Variants in TTC6 observed in about 807,000 individuals in gnomAD.
TTC6 encodes the protein tetratricopeptide repeat domain 6.
TTC6 carries 172 observed loss-of-function variants against 210.4 expected under a neutral mutation model. That is an observed-to-expected ratio of 0.82 (90% CI 0.72 to 0.93). The LOEUF is 0.93. Ranked by LOEUF, TTC6 falls within the 40% of genes least tolerant of loss-of-function variation. The probability of loss-of-function intolerance (pLI) is 0.00; values close to 1 mark genes in which losing one functional copy is unlikely to be tolerated. For missense variants in TTC6, 2,414 were observed against 2,318.1 expected (o/e 1.04, Z -0.85); for synonymous variants, 804 against 819.6 (o/e 0.98, Z 0.32).
chr14:37,837,243 G>T (rs2096199912), intron 29 of TTC6: 2 of 272,560 alleles, frequency 7.3e-6, no homozygotes, highest in Non-Finnish European at 1.5e-5. Context: ...ATGATTGAAG[G>T]TATGCCTTGT....
At chr14:37,799,189 G>A (rs751177196) in intron 20 of TTC6, among the ~76,000 whole-genome samples, 20 of 152,070 alleles carry the variant, frequency 1.3e-4, no homozygotes, top group Non-Finnish European at 2.2e-4. Flanking sequence ...AACATTAGCC[G>A]TTATTATTCC....
At chr14:37,805,054 A>G (rs944249221) in intron 21 of TTC6, among the ~76,000 whole-genome samples, 12 of 152,210 alleles carry the variant, frequency 7.9e-5, no homozygotes, top group Non-Finnish European at 1.8e-4. Context: ...TGCGTTTCCC[A>G]CCAGAACAAT....
chr14:37,809,441 A>G (rs1772714711), intron 24 of TTC6, among the ~76,000 whole-genome samples: 1 of 152,060 alleles, frequency 6.6e-6, no homozygotes, highest in South Asian at 2.1e-4. Flanking sequence ...TTTAGTAGAG[A>G]CAGGGTTTCA....
chr14:37,734,913 G>A (rs1051056421), intron 7 of TTC6, among the ~76,000 whole-genome samples: 1 of 151,982 alleles, frequency 6.6e-6, no homozygotes, highest in African/African-American at 2.4e-5. Context: ...GTTGTTAAAA[G>A]CATTCTTTTA....
chr14:37,841,381 G>A lies in TTC6; in HGVS notation c.5299-64G>A, dbSNP rs2096209645. On this transcript the variant is annotated intron_variant, in intron 29 of 30. Transcript: ENST00000553443. The stretch of plus-strand genomic sequence containing the variant: ...CCTTAATTTAAAATTAAGAGTAAAA[G>A]TGCTTCAAATTTCTGTATAGTAAGT... 3.6e-6 allele frequency: 5 copies of A among 1,390,400 alleles called. No individual in the cohort carries two copies. In the East Asian group the frequency reaches 7.3e-5, roughly 20 times the overall value. The allele number at this position is 1,390,400 out of a possible 1,614,324, so 86.1% of individuals were successfully genotyped here.
intron 26 of TTC6, among the ~76,000 whole-genome samples, chr14:37,818,621 A>C (rs905884286): frequency 2.0e-5 from 3 of 152,132 alleles, no homozygotes; most frequent in African/African-American, 2.4e-5. Context: ...GGACATATAT[A>C]GTACAGCTAC....
chr14:37,816,675 A>G (rs1218979496), intron 25 of TTC6, among the ~76,000 whole-genome samples: 1 of 152,196 alleles, frequency 6.6e-6, no homozygotes, highest in Admixed American at 6.5e-5. Flanking sequence ...GCAATCAGTA[A>G]AATCAATCTA....
At chr14:37,745,062 A>G (rs531528184) in intron 10 of TTC6, among the ~76,000 whole-genome samples, 2 of 152,218 alleles carry the variant, frequency 1.3e-5, no homozygotes, top group African/African-American at 4.8e-5. Context: ...GTACGTACAT[A>G]TACATATGTG....
At chr14:37,791,326 T>C (rs2096078734) in intron 16 of TTC6, among the ~76,000 whole-genome samples, 1 of 152,158 alleles carries the variant, frequency 6.6e-6, no homozygotes, top group African/African-American at 2.4e-5. Flanking sequence ...GTAGACCATA[T>C]GTTCAGGGAG....
intron 1 of TTC6, among the ~76,000 whole-genome samples, chr14:37,672,705 A>G (rs978642888): frequency 6.6e-6 from 1 of 152,212 alleles, no homozygotes; most frequent in African/African-American, 2.4e-5. Flanking sequence ...GTCAAGGAAT[A>G]AAGAATAGTG....
chr14:37,607,625 T>C (rs1389248930), intron 2 of TTC6, among the ~76,000 whole-genome samples: 1 of 151,992 alleles, frequency 6.6e-6, no homozygotes, highest in Non-Finnish European at 1.5e-5. Flanking sequence ...GTCTTTTTTT[T>C]TTTTTTTCTT....
At chr14:37,780,803 G>T (rs573234998) in intron 14 of TTC6, among the ~76,000 whole-genome samples, 1 of 151,922 alleles carries the variant, frequency 6.6e-6, no homozygotes, top group Non-Finnish European at 1.5e-5. Context: ...CATGGACCCC[G>T]GTGTGTGGTG....
intron 5 of TTC6, among the ~76,000 whole-genome samples, chr14:37,712,270 G>T (rs973367333): frequency 2.6e-5 from 4 of 152,154 alleles, no homozygotes; most frequent in Admixed American, 2.0e-4. Context: ...CTGGCATAGA[G>T]CCAGAGAAAA....
intron 14 of TTC6, among the ~76,000 whole-genome samples, chr14:37,783,785 T>G (rs2096061189): frequency 6.6e-6 from 1 of 152,204 alleles, no homozygotes; most frequent in Non-Finnish European, 1.5e-5. Context: ...TAAATTTCCC[T>G]CTACACACTG....
intron 25 of TTC6, among the ~76,000 whole-genome samples, chr14:37,817,319 G>C (rs2183530): frequency 0.084 from 12,846 of 152,198 alleles, 1,731 homozygotes; most frequent in African/African-American, 0.29. Flanking sequence ...CCATTCTTGA[G>C]TAGAGACCAG....
At chr14:37,752,524 T>TA (rs1408105069) in intron 13 of TTC6, among the ~76,000 whole-genome samples, 2 of 151,636 alleles carry the variant, frequency 1.3e-5, no homozygotes, top group African/African-American at 4.8e-5. Context: ...AGGATTTTTT[T>TA]TTTTATTTTA....
intron 17 of TTC6, among the ~76,000 whole-genome samples, chr14:37,794,879 C>A (rs1429953045): frequency 3.3e-5 from 5 of 151,882 alleles, no homozygotes; most frequent in Non-Finnish European, 5.9e-5. Flanking sequence ...CTGAGACCAG[C>A]CTGCATGCTG....
intron 1 of TTC6, among the ~76,000 whole-genome samples, chr14:37,676,957 T>C (rs891508004): frequency 6.6e-6 from 1 of 152,080 alleles, no homozygotes; most frequent in African/African-American, 2.4e-5. Flanking sequence ...GTTTTGATTA[T>C]TGTAGTTTGA....
intron 14 of TTC6, among the ~76,000 whole-genome samples, chr14:37,756,377 A>T (rs569134535): frequency 1.3e-5 from 2 of 152,304 alleles, no homozygotes; most frequent in South Asian, 4.1e-4. Context: ...CAGAACTTCC[A>T]ATACTATGTT....
Sources: allele counts gnomAD v4.1 joint callset (sites outside exome capture counted in the v4.1 genomes callset), GRCh38; gene constraint gnomAD v4.1.1; transcripts MANE v1.5; gene names NCBI Gene and HGNC (gene_info 2026-07-23, HGNC 2026-07-21).